Variants in RNF212B observed in about 807,000 individuals in gnomAD.
RNF212B encodes the protein ring finger protein 212B.
In RNF212B, 52 loss-of-function variants were observed where a neutral mutation model predicts 55.5. That is an observed-to-expected ratio of 0.94 (90% CI 0.75 to 1.18). The LOEUF (loss-of-function observed/expected upper bound fraction) is 1.18, where lower values mean the gene tolerates loss of function less well. Among genes scored for constraint, RNF212B ranks in the 50% most tolerant of loss-of-function variants. The pLI is 0.00. For synonymous variants in RNF212B, 99 were observed against 121.4 expected (o/e 0.82, Z 1.21); for missense variants, 289 against 350.4 (o/e 0.82, Z 1.40).
chr14:23,261,481 C>T (rs905102038), intron 7 of RNF212B, among the ~76,000 whole-genome samples: 25 of 152,218 alleles, frequency 1.6e-4, no homozygotes, highest in Non-Finnish European at 1.5e-5. Flanking sequence ...ACTTTTTACA[C>T]TACTCATCCT....
At chr14:23,242,443 G>A (rs2140438887) in intron 2 of RNF212B, among the ~76,000 whole-genome samples, 1 of 152,320 alleles carries the variant, frequency 6.6e-6, no homozygotes, top group East Asian at 1.9e-4. Flanking sequence ...GAGCTTCAAA[G>A]CAAGATTAAC....
At chr14:23,192,780 A>G (rs2140357108) in intron 1 of RNF212B, among the ~76,000 whole-genome samples, 1 of 152,276 alleles carries the variant, frequency 6.6e-6, no homozygotes, top group South Asian at 2.1e-4. Flanking sequence ...TTATCTTCAT[A>G]AGACCAATTT....
intron 2 of RNF212B, among the ~76,000 whole-genome samples, chr14:23,193,837 T>C (rs1481002911): frequency 6.6e-6 from 1 of 151,980 alleles, no homozygotes; most frequent in Non-Finnish European, 1.5e-5. Context: ...TTTAAAACCA[T>C]ATACTATCTT....
chr14:23,232,056 G>A (rs532582163), intron 2 of RNF212B, among the ~76,000 whole-genome samples: 4 of 152,008 alleles, frequency 2.6e-5, no homozygotes, highest in East Asian at 3.9e-4. Context: ...GCCTCTGCCC[G>A]GCTGCCACCC....
intron 2 of RNF212B, among the ~76,000 whole-genome samples, chr14:23,219,472 T>G (rs1476919873): frequency 2.7e-5 from 4 of 148,724 alleles, no homozygotes; most frequent in Non-Finnish European, 6.0e-5. Context: ...CTTCTTCTCC[T>G]TCTAGTTTTT....
intron 12 of RNF212B, 57 bp downstream of exon 12, chr14:23,269,020 G>T: frequency 3.5e-6 from 5 of 1,442,578 alleles, no homozygotes. Context: ...AACTCTGCCA[G>T]CAGGCTGGGT....
chr14:23,250,266 G>A (rs572949487), intron 4 of RNF212B, among the ~76,000 whole-genome samples: 1 of 152,160 alleles, frequency 6.6e-6, no homozygotes, highest in African/African-American at 2.4e-5. Context: ...ATCACTTGAG[G>A]TCAGGGGTTC....
At chr14:23,258,412 G>T in intron 4 of RNF212B, 137 bp from the exon 5 acceptor site, 1 of 420,512 alleles carries the variant, frequency 2.4e-6, no homozygotes, top group Non-Finnish European at 4.2e-6. Context: ...GTTCTGGGAA[G>T]TTGTGAATTA....
chr14:23,243,110 T>C, intron 2 of RNF212B, 146 bp from the exon 3 acceptor site: 1 of 594,932 alleles, frequency 1.7e-6, no homozygotes, highest in Non-Finnish European at 3.0e-6. Context: ...TGATGTCCTT[T>C]TATAACACAA....
In RNF212B at chr14:23,239,388, A is replaced by G. The variant is rs374258494; in HGVS notation, c.-1-957A>G. Among the ~76,000 whole-genome samples the G allele has an allele frequency of 1.8e-4, 28 of 152,158 alleles. No individual in the cohort carries two copies. The East Asian group carries it at 5.2e-3, about 28-fold the overall frequency. ...TTCTGAGTTTCTGCAGAAGAAAAGT[A>G]TATTTCCTTCTGTGGAAGGAAAGTA... is the stretch of plus-strand genomic sequence containing the variant. On this transcript the variant is annotated intron_variant, in intron 1 of 14. Transcript: ENST00000430154.
chr14:23,202,682 T>A (rs1044575300), intron 2 of RNF212B, among the ~76,000 whole-genome samples: 15 of 152,042 alleles, frequency 9.9e-5, no homozygotes, highest in African/African-American at 3.1e-4. Flanking sequence ...AAACCCTGTC[T>A]CTACTAAAAA....
Position 23,252,515 on chromosome 14 carries a change from T to G in RNF212B, c.229-6034T>G, listed in dbSNP as rs542570556. ...ATGGCAAATTAGTACACCAAGACAC[T>G]GGGTTGCAGCAGAGAAAGGGGTTTA... On this transcript the variant is annotated intron_variant, in intron 4 of 14. Transcript: ENST00000430154. Among the ~76,000 whole-genome samples, 10 of 152,260 alleles carry G rather than the reference T, an allele frequency of 6.6e-5. No individual in the cohort carries two copies. In the East Asian group the frequency reaches 1.3e-3, roughly 21 times the overall value.
intron 4 of RNF212B, among the ~76,000 whole-genome samples, chr14:23,247,978 G>A (rs1594929576): frequency 6.6e-6 from 1 of 152,266 alleles, no homozygotes; most frequent in East Asian, 1.9e-4. Flanking sequence ...AACAGTTCTG[G>A]AGGCTGGGAA....
chr14:23,254,624 G>A (rs1951221962), intron 4 of RNF212B, among the ~76,000 whole-genome samples: 1 of 152,154 alleles, frequency 6.6e-6, no homozygotes, highest in Non-Finnish European at 1.5e-5. Flanking sequence ...AAACTCCTGA[G>A]TTCAAGATAT....
chr14:23,258,665 G>A lies in RNF212B; in HGVS notation c.344+1G>A. ...AGCAAGCACTGGTGAGCCAGGACAA[G>A]TAAGTAACAAATCAAGTCCCAAGAG... On this transcript the variant is annotated splice_donor_variant, in intron 5 of 14. Transcript: ENST00000430154. LOFTEE classifies it high-confidence loss of function. 1.6e-6 allele frequency: 2 copies of A among 1,212,340 alleles called. No individual in the cohort carries two copies. The highest frequency in any genetic ancestry group is 1.4e-5 in the South Asian group (1 of 70,528). 75.1% of individuals were successfully genotyped at this position (1,212,340 alleles called of 1,614,324 possible). A position where few individuals can be genotyped will look rare whatever the true frequency, so the allele number is the denominator to read the frequency against.
chr14:23,252,311 C>T (rs965077248), intron 4 of RNF212B, among the ~76,000 whole-genome samples: 7 of 151,894 alleles, frequency 4.6e-5, no homozygotes, highest in Non-Finnish European at 7.4e-5. Flanking sequence ...GAACCAGGGG[C>T]GAAGACCATA....
At chr14:23,211,583 G>A (rs993712835) in intron 2 of RNF212B, among the ~76,000 whole-genome samples, 5 of 152,044 alleles carry the variant, frequency 3.3e-5, no homozygotes, top group African/African-American at 9.7e-5. Flanking sequence ...TTCCTCTCAC[G>A]AACATAAATG....
At chr14:23,187,358 C>G (rs989449305) in intron 1 of RNF212B, among the ~76,000 whole-genome samples, 2 of 152,028 alleles carry the variant, frequency 1.3e-5, no homozygotes, top group Non-Finnish European at 2.9e-5. Context: ...CCTACTCCCC[C>G]CTTTTTTAGA....
chr14:23,209,227 C>T (rs941332443), intron 2 of RNF212B, among the ~76,000 whole-genome samples: 2 of 152,150 alleles, frequency 1.3e-5, no homozygotes, highest in African/African-American at 4.8e-5. Flanking sequence ...AGAGGTCACT[C>T]TCGTAGCCAT....
Sources: gnomAD v4.1 joint callset for allele counts (sites outside exome capture counted in the v4.1 genomes callset) on GRCh38, gnomAD v4.1.1 for gene constraint, MANE v1.5 for transcripts, NCBI Gene and HGNC (gene_info 2026-07-23, HGNC 2026-07-21) for gene names.